Variants in TMCC1 observed in about 807,000 individuals in gnomAD.
The protein encoded by TMCC1 is transmembrane and coiled-coil domain family 1, also known as transmembrane and coiled-coil domains protein 1.
A neutral mutation model predicts 52.4 loss-of-function variants in TMCC1; 15 were observed. That is an observed-to-expected ratio of 0.29 (90% CI 0.19 to 0.44). The LOEUF (loss-of-function observed/expected upper bound fraction) is 0.44. TMCC1 is among the 20% of genes least tolerant of loss of function. The pLI is 1.00. For synonymous variants in TMCC1, 279 were observed against 301.9 expected (o/e 0.92, Z 0.79); for missense variants, 503 against 806.0 (o/e 0.62, Z 4.55).
rs1560350161 is a variant in TMCC1, at chr3:129,759,709, A to ATTTTTT, written c.576+68093_576+68094insAAAAAA. ...GGCATGAGCCACTGCAGCCAGCCAA[A>ATTTTTT]CTTTTTTTTTTTTTTTTTTTTTTTT... is the stretch of plus-strand genomic sequence containing the variant. On this transcript the variant is annotated intron_variant, in intron 4 of 6. Transcript: ENST00000393238. 1.3e-4 allele frequency among the ~76,000 whole-genome samples: 13 copies of ATTTTTT among 98,354 alleles called. 1 individual carries two copies. Among genetic ancestry groups the ATTTTTT allele is most frequent in the African/African-American group, 4.3e-4 (11 of 25,320 alleles). 64.5% of individuals were successfully genotyped at this position (98,354 alleles called of 152,430 possible). A position where few individuals can be genotyped will look rare whatever the true frequency, so the allele number is the denominator to read the frequency against.
At chr3:129,734,181 CA>C (rs1291594341) in intron 4 of TMCC1, among the ~76,000 whole-genome samples, 1 of 152,070 alleles carries the variant, frequency 6.6e-6, no homozygotes, top group African/African-American at 2.4e-5. Context: ...TGTCCATTAA[CA>C]GGAGAATCAA....
chr3:129,688,575 C>T (rs2089580678), intron 4 of TMCC1: 1 of 985,518 alleles, frequency 1.0e-6, no homozygotes, highest in Non-Finnish European at 1.2e-6. Flanking sequence ...CCACCTCAGC[C>T]TATGTATAGT....
chr3:129,664,903 C>T (rs1350884155), intron 5 of TMCC1, among the ~76,000 whole-genome samples: 2 of 152,126 alleles, frequency 1.3e-5, no homozygotes, highest in African/African-American at 4.8e-5. Flanking sequence ...TGGCAAAAGT[C>T]ACTTTATCTT....
chr3:129,825,025 TC>T (rs2031143872), intron 4 of TMCC1, among the ~76,000 whole-genome samples: 1 of 152,154 alleles, frequency 6.6e-6, no homozygotes, highest in Non-Finnish European at 1.5e-5. Context: ...CTAGCCCACA[TC>T]CTAATGACTT....
At chr3:129,816,667 C>A (rs1307487916) in intron 4 of TMCC1, among the ~76,000 whole-genome samples, 1 of 151,908 alleles carries the variant, frequency 6.6e-6, no homozygotes, top group African/African-American at 2.4e-5. Flanking sequence ...AGAAATAAGA[C>A]CTAATGTTTG....
intron 4 of TMCC1, among the ~76,000 whole-genome samples, chr3:129,731,625 G>T (rs938362007): frequency 1.1e-4 from 16 of 151,860 alleles, no homozygotes; most frequent in Admixed American, 9.2e-4. Flanking sequence ...GAATAGAGGG[G>T]AACTTCATCA....
intron 4 of TMCC1, among the ~76,000 whole-genome samples, chr3:129,683,705 T>C (rs538734761): frequency 3.9e-5 from 6 of 152,246 alleles, no homozygotes; most frequent in Admixed American, 1.3e-4. Context: ...TTGTGCCCAA[T>C]AGTTAATTTT....
At chr3:129,809,557 T>G (rs2107791192) in intron 4 of TMCC1, among the ~76,000 whole-genome samples, 1 of 152,274 alleles carries the variant, frequency 6.6e-6, no homozygotes, top group South Asian at 2.1e-4. Context: ...CCAGCTGTAA[T>G]TTTTTAAATG....
At chr3:129,739,064 A>G (rs1336317643) in intron 4 of TMCC1, among the ~76,000 whole-genome samples, 1 of 152,070 alleles carries the variant, frequency 6.6e-6, no homozygotes, top group East Asian at 1.9e-4. Flanking sequence ...AGACACACCT[A>G]CCTTGGTCTC....
intron 4 of TMCC1, among the ~76,000 whole-genome samples, chr3:129,721,145 C>G (rs191824153): frequency 1.3e-5 from 2 of 152,166 alleles, no homozygotes; most frequent in South Asian, 4.1e-4. Context: ...CTTGTAAACA[C>G]TGTGAAAACT....
At position 129,731,635 on chromosome 3, in the gene TMCC1, A is replaced by AT. The variant is rs61141159; in HGVS notation, c.577-60372dup. ...ATTAGGAATAGAGGGGAACTTCATC[A>AT]TTTTTTTTTTTTTAAACAGGCGTGA... On this transcript the variant is annotated intron_variant, in intron 4 of 6. Coordinates refer to ENST00000393238, the MANE Select transcript of TMCC1 (RefSeq NM_001017395.5). 8.8e-3 allele frequency among the ~76,000 whole-genome samples: 1,288 copies of AT among 145,976 alleles called. 7 individuals are homozygous for AT. Among genetic ancestry groups the AT allele is most frequent in the African/African-American group, 0.019 (752 of 40,076 alleles).
At chr3:129,865,937 C>T (rs2060604326) in intron 2 of TMCC1, among the ~76,000 whole-genome samples, 1 of 152,086 alleles carries the variant, frequency 6.6e-6, no homozygotes. Flanking sequence ...GTCCAGCAGG[C>T]AGTAGGGAAG....
chr3:129,679,401 G>T lies in TMCC1; in HGVS notation c.577-8137C>A, dbSNP rs895918258. On this transcript the variant is annotated intron_variant, in intron 4 of 6. Transcript: ENST00000393238. ...GCTCACTGCAACCTCCGCCTCCAGG[G>T]TTTAAGTGATTCTTCTGCCTCAGCC... Among the ~76,000 whole-genome samples, 21 of 152,286 alleles carry T rather than the reference G, an allele frequency of 1.4e-4. 1 individual carries two copies. The highest frequency in any genetic ancestry group is 4.6e-4 in the African/African-American group (19 of 41,544).
chr3:129,717,009 T>C (rs909001571), intron 4 of TMCC1, among the ~76,000 whole-genome samples: 2 of 152,198 alleles, frequency 1.3e-5, no homozygotes. Context: ...GACAAATTTT[T>C]TCTAATGAAT....
chr3:129,680,541 C>A (rs935142779), intron 4 of TMCC1, among the ~76,000 whole-genome samples: 1 of 152,188 alleles, frequency 6.6e-6, no homozygotes, highest in Non-Finnish European at 1.5e-5. Context: ...CACTGCGTCG[C>A]TTGTCATAAG....
At chr3:129,796,896 T>C (rs1370132522) in intron 4 of TMCC1, among the ~76,000 whole-genome samples, 1 of 152,210 alleles carries the variant, frequency 6.6e-6, no homozygotes, top group African/African-American at 2.4e-5. Context: ...TGTAACTTTT[T>C]TCTTCAGGTA....
intron 1 of TMCC1, among the ~76,000 whole-genome samples, chr3:129,887,598 T>C (rs1483226472): frequency 6.6e-6 from 1 of 150,916 alleles, no homozygotes; most frequent in African/African-American, 2.4e-5. Context: ...ATCTTGTACC[T>C]GTATCTCCTC....
At chr3:129,822,062 C>T (rs2058449483) in intron 4 of TMCC1, among the ~76,000 whole-genome samples, 1 of 151,872 alleles carries the variant, frequency 6.6e-6, no homozygotes, top group Non-Finnish European at 1.5e-5. Context: ...GACCCTGTCT[C>T]AAATATAAAT....
At chr3:129,688,522 C>T (rs191119834) in intron 4 of TMCC1, 22 of 985,504 alleles carry the variant, frequency 2.2e-5, no homozygotes, top group African/African-American at 1.6e-4. Flanking sequence ...CAGGTACAGC[C>T]GCACCACATT....
Sources: gnomAD v4.1 joint callset for allele counts (sites outside exome capture counted in the v4.1 genomes callset) on GRCh38, gnomAD v4.1.1 for gene constraint, MANE v1.5 for transcripts, NCBI Gene and HGNC (gene_info 2026-07-23, HGNC 2026-07-21) for gene names.